The following CMTM2 variants were observed in gnomAD, a reference collection of about 807,000 sequenced individuals.
CMTM2 encodes the protein CKLF like MARVEL transmembrane domain containing 2, also known as CKLF-like MARVEL transmembrane domain-containing protein 2.
Under a neutral mutation model 16.8 loss-of-function variants are expected in CMTM2, and 15 were observed. The observed-to-expected ratio is 0.89, with a 90% CI of 0.60 to 1.37. The LOEUF is 1.37. CMTM2 is among the 40% of genes most tolerant of loss of function. The probability of loss-of-function intolerance (pLI) is 0.00; values close to 1 mark genes in which losing one functional copy is unlikely to be tolerated. For synonymous variants in CMTM2, 117 were observed against 118.7 expected, an observed-to-expected ratio of 0.99 and a Z score of 0.09; for missense variants, 282 against 318.0, an observed-to-expected ratio of 0.89 and a Z score of 0.86.
rs779636662 is a variant in CMTM2, at chr16:66,587,955, G to A, written c.583G>A (p.Asp195Asn). ...IGAAGVFAFI[D>N]VCLQRNHFRG... is the part of the protein sequence containing the mutation. ...TGCGGCTGGAGTTTTTGCTTTTATC[G>A]ATGTGTGTCTTCAAAGAAACCACTT... The change falls in exon 4 of 4, where the codon GAT becomes AAT. Residue 195 changes from aspartate to asparagine, a missense_variant. Physicochemically the swap from Asp to Asn is conservative, Grantham distance 23 (BLOSUM62 1). Coordinates refer to ENST00000268595, the MANE Select transcript of CMTM2 (RefSeq NM_144673.3). The A allele has an allele frequency of 1.3e-5, 21 of 1,613,954 alleles. No individual in the cohort carries two copies. Among genetic ancestry groups the A allele is most frequent in the East Asian group, 2.2e-5 (1 of 44,892 alleles).
chr16:66,586,165 T>C (rs2014789852), intron 2 of CMTM2, among the ~76,000 whole-genome samples: 1 of 151,916 alleles, frequency 6.6e-6, no homozygotes, highest in East Asian at 1.9e-4. Flanking sequence ...GTCTAGGAAG[T>C]CAGGCCGAGG....
At chr16:66,583,670 C>T (rs563075239) in intron 2 of CMTM2, among the ~76,000 whole-genome samples, 5 of 152,118 alleles carry the variant, frequency 3.3e-5, no homozygotes, top group Non-Finnish European at 7.4e-5. Flanking sequence ...AATATGAAAA[C>T]TTATCATAGA....
At chr16:66,581,390 T>C (rs1387331637) in intron 2 of CMTM2, among the ~76,000 whole-genome samples, 5 of 152,014 alleles carry the variant, frequency 3.3e-5, no homozygotes, top group Non-Finnish European at 7.4e-5. Context: ...CCAGGGGAAA[T>C]GTAACCAGTA....
chr16:66,582,457 T>C (rs764548887), intron 2 of CMTM2, among the ~76,000 whole-genome samples: 4 of 152,138 alleles, frequency 2.6e-5, no homozygotes, highest in East Asian at 1.9e-4. Context: ...TCCCAGCACG[T>C]TGGGAGGCTG....
intron 2 of CMTM2, among the ~76,000 whole-genome samples, chr16:66,586,518 A>AC (rs2014794908): frequency 1.3e-5 from 2 of 152,114 alleles, no homozygotes; most frequent in African/African-American, 2.4e-5. Context: ...TTGGTGGCAC[A>AC]CACCTGTAGT....
intron 2 of CMTM2, among the ~76,000 whole-genome samples, chr16:66,580,939 C>T (rs2014726558): frequency 6.6e-6 from 1 of 152,120 alleles, no homozygotes; most frequent in African/African-American, 2.4e-5. Flanking sequence ...ATGAAGACCC[C>T]AATTCCCAAG....
Position 66,579,848 on chromosome 16 carries a change from G to A in CMTM2, c.241G>A (p.Glu81Lys), listed in dbSNP as rs775457714. ...GTGGGAATTAAAAGACAGCAATAAA[G>A]AGTTCTGGCTCTTGGGGCACGCTGA... is the stretch of plus-strand genomic sequence containing the variant. Reference protein sequence around the residue: ...YRWELKDSNKEFWLLGHAEIK... With the variant: ...YRWELKDSNKKFWLLGHAEIK... Residue 81 changes from glutamate (E) to lysine (K), a missense_variant, in exon 1 of 4, where the codon GAG (glutamate) becomes AAG (lysine). Physicochemically the swap from Glu to Lys is moderately conservative, Grantham distance 56. Transcript: ENST00000268595. The surrounding 1 kb of genome is among the most constrained non-coding windows in gnomAD (Gnocchi z 6.5). 2.5e-6 allele frequency: 4 copies of A among 1,613,888 alleles called. No homozygotes were observed. The South Asian group carries it at 3.3e-5, about 13-fold the overall frequency.
intron 2 of CMTM2, among the ~76,000 whole-genome samples, chr16:66,583,011 T>G (rs897861020): frequency 6.6e-6 from 1 of 152,214 alleles, no homozygotes; most frequent in African/African-American, 2.4e-5. Flanking sequence ...GATAGAGACC[T>G]TAGTTCAATA....
Position 66,579,837 on chromosome 16 carries a change from A to G in CMTM2, c.230A>G (p.Asp77Gly). 1 of 1,613,944 alleles carries G rather than the reference A, an allele frequency of 6.2e-7. No individual in the cohort carries two copies. Among genetic ancestry groups the G allele is most frequent in the Non-Finnish European group, 8.5e-7 (1 of 1,180,032 alleles). Residue 77 changes from aspartate to glycine, a missense_variant, in exon 1 of 4, where the codon GAC becomes GGC. Transcript: ENST00000268595. The surrounding 1 kb of genome is among the most constrained non-coding windows in gnomAD (Gnocchi z 6.5). ...CGCCGCTACCGGTGGGAATTAAAAGACAGCAATAAAGAGTTCTGGCTCTTG... is the reference window on the plus strand; with the variant it reads ...CGCCGCTACCGGTGGGAATTAAAAGGCAGCAATAAAGAGTTCTGGCTCTTG... ...GCRRYRWELKDSNKEFWLLGH... is the reference protein window; with the variant it reads ...GCRRYRWELKGSNKEFWLLGH...
chr16:66,580,250 A>T (rs1201722403), intron 2 of CMTM2, 66 bp downstream of exon 2: 1 of 1,539,534 alleles, frequency 6.5e-7, no homozygotes, highest in Non-Finnish European at 8.9e-7. Context: ...TGGCACCTGG[A>T]AAGTCACCAA....
At position 66,583,321 on chromosome 16, in the gene CMTM2, A is replaced by G. The variant is rs372838365; in HGVS notation, c.444+3137A>G. Reference sequence around the variant, plus strand: ...AGCCTGGCCAACATGGTGAAACACCAGCTCTACTAAAAATACAAAAATTAA... The same window carrying G: ...AGCCTGGCCAACATGGTGAAACACCGGCTCTACTAAAAATACAAAAATTAA... On this transcript the variant is annotated intron_variant, in intron 2 of 3. Transcript: ENST00000268595. Among the ~76,000 whole-genome samples, 1,181 of 152,178 alleles carry G rather than the reference A, an allele frequency of 7.8e-3. 19 individuals are homozygous for G. The highest frequency in any genetic ancestry group is 0.027 in the African/African-American group (1,133 of 41,530).
intron 3 of CMTM2, among the ~76,000 whole-genome samples, 170 bp from the exon 4 acceptor site, chr16:66,587,745 AGAAG>A (rs1230366576): frequency 1.3e-5 from 2 of 152,172 alleles, no homozygotes; most frequent in Admixed American, 1.3e-4. Context: ...GGGGGAGTGG[AGAAG>A]GCAAAGGCTG....
chr16:66,587,716 AG>A (rs1321193361), intron 3 of CMTM2, among the ~76,000 whole-genome samples: 1 of 152,188 alleles, frequency 6.6e-6, no homozygotes, highest in Non-Finnish European at 1.5e-5. Flanking sequence ...GAAAAGAAAC[AG>A]AGATGAGATG....
At chr16:66,580,494 C>T in intron 2 of CMTM2, 1 of 329,328 alleles carries the variant, frequency 3.0e-6, no homozygotes, top group Non-Finnish European at 5.6e-6. Flanking sequence ...CCAGCTGTTC[C>T]TCCGAACTCC....
chr16:66,586,487 CA>C (rs376120276), intron 2 of CMTM2, among the ~76,000 whole-genome samples: 14 of 148,262 alleles, frequency 9.4e-5, no homozygotes, highest in Non-Finnish European at 1.2e-4. Flanking sequence ...AAAATACACA[CA>C]AAAAAAAAAT....
chr16:66,587,909 T>C lies in CMTM2; in HGVS notation c.547-10T>C. On this transcript the variant is annotated splice_polypyrimidine_tract_variant and intron_variant, in intron 3 of 3. Transcript: ENST00000268595. Reference sequence around the variant, plus strand: ...AAAGCAAAAGTCATGAGGACCGTTTTGTTTTCCAGATCCTTATTGGTGCGG... The same window carrying C: ...AAAGCAAAAGTCATGAGGACCGTTTCGTTTTCCAGATCCTTATTGGTGCGG... The C allele has an allele frequency of 6.2e-7, 1 of 1,613,672 alleles. No homozygotes were observed. The highest frequency in any genetic ancestry group is 8.5e-7 in the Non-Finnish European group (1 of 1,179,912).
At chr16:66,585,575 C>A (rs2014783247) in intron 2 of CMTM2, among the ~76,000 whole-genome samples, 1 of 152,014 alleles carries the variant, frequency 6.6e-6, no homozygotes, top group African/African-American at 2.4e-5. Context: ...CAAATTCAGA[C>A]AGGAAAACTG....
At chr16:66,587,782 C>T (rs2144707105) in intron 3 of CMTM2, 137 bp from the exon 4 acceptor site, 2 of 841,494 alleles carry the variant, frequency 2.4e-6, no homozygotes, top group Non-Finnish European at 3.9e-6. Context: ...CGCTCCTAGC[C>T]TCTCAGAGAT....
At chr16:66,586,813 A>G in intron 2 of CMTM2, 184 bp from the exon 3 acceptor site, 1 of 576,830 alleles carries the variant, frequency 1.7e-6, no homozygotes, top group East Asian at 2.8e-5. Context: ...TTTCAATTTA[A>G]AAAGCCCAGC....
Sources: allele counts gnomAD v4.1 joint callset (sites outside exome capture counted in the v4.1 genomes callset), GRCh38; gene constraint gnomAD v4.1.1; non-coding constraint Gnocchi (gnomAD v3.1); transcripts MANE v1.5; gene names NCBI Gene and HGNC (gene_info 2026-07-23, HGNC 2026-07-21).